MICU3: variants seen among roughly 807,000 people sequenced by gnomAD.
MICU3 encodes calcium uptake protein 3, mitochondrial.
In MICU3, 62 loss-of-function variants were observed where a neutral mutation model predicts 66.5. That is an observed-to-expected ratio of 0.93 (90% CI 0.76 to 1.15). The LOEUF is 1.15. Among genes scored for constraint, MICU3 ranks in the 50% most tolerant of loss-of-function variants. The pLI, the probability that MICU3 is intolerant of heterozygous loss-of-function variation, is 0.00. For synonymous variants in MICU3, 308 were observed against 240.7 expected (o/e 1.28, Z -2.59); for missense variants, 779 against 664.4 (o/e 1.17, Z -1.90).
chr8:17,046,568 C>G (rs1815124672), intron 1 of MICU3, among the ~76,000 whole-genome samples: 1 of 151,970 alleles, frequency 6.6e-6, no homozygotes. Flanking sequence ...AAAGAAGAAA[C>G]TAATAACTGC....
intron 8 of MICU3, among the ~76,000 whole-genome samples, chr8:17,094,018 G>T (rs1025932908): frequency 8.6e-5 from 13 of 152,026 alleles, no homozygotes; most frequent in Admixed American, 8.5e-4. Flanking sequence ...ATCCCTCAAT[G>T]TCCTTCAAAA....
intron 1 of MICU3, among the ~76,000 whole-genome samples, chr8:17,052,319 C>CCAT (rs1469704768): frequency 6.6e-6 from 1 of 151,988 alleles, no homozygotes; most frequent in Admixed American, 6.6e-5. Context: ...TTTAGGTTAT[C>CCAT]CATCCCCTTG....
intron 2 of MICU3, among the ~76,000 whole-genome samples, chr8:17,069,127 A>G (rs1290433968): frequency 1.3e-5 from 2 of 152,138 alleles, no homozygotes; most frequent in Non-Finnish European, 2.9e-5. Context: ...TGCTTCTTGA[A>G]TAGTTGTAGG....
At position 17,072,896 on chromosome 8, in the gene MICU3, A is replaced by AT. The variant is rs562975808; in HGVS notation, c.567+3185dup. Among the ~76,000 whole-genome samples, 331 of 151,918 alleles carry AT rather than the reference A, an allele frequency of 2.2e-3. 6 individuals carry two copies. Among genetic ancestry groups the AT allele is most frequent in the Non-Finnish European group, 2.9e-3 (199 of 67,898 alleles). ...TATAAACTGGTGTATTTACTTTTTAATTTTTTTTGAGATAGAGTCTCTCCC... is the reference window on the plus strand; with the variant it reads ...TATAAACTGGTGTATTTACTTTTTAATTTTTTTTTGAGATAGAGTCTCTCCC... On this transcript the variant is annotated intron_variant, in intron 3 of 14. Coordinates refer to ENST00000318063, the MANE Select transcript of MICU3 (RefSeq NM_181723.3).
chr8:17,109,829 C>T (rs1216920742), intron 11 of MICU3, among the ~76,000 whole-genome samples: 1 of 152,104 alleles, frequency 6.6e-6, no homozygotes, highest in African/African-American at 2.4e-5. Context: ...GGAAAGATGA[C>T]TTCTCATACT....
chr8:17,060,824 G>A (rs1817723780), intron 1 of MICU3, among the ~76,000 whole-genome samples: 2 of 150,024 alleles, frequency 1.3e-5, no homozygotes, highest in Admixed American at 6.6e-5. Context: ...TTTGCCTGGG[G>A]CACAAACCCT....
At chr8:17,054,126 C>T (rs1816531399) in intron 1 of MICU3, among the ~76,000 whole-genome samples, 1 of 152,112 alleles carries the variant, frequency 6.6e-6, no homozygotes, top group Non-Finnish European at 1.5e-5. Flanking sequence ...GCAATGATAC[C>T]TTACCTTGAA....
chr8:17,032,475 G>A (rs181608521), intron 1 of MICU3, among the ~76,000 whole-genome samples: 259 of 151,918 alleles, frequency 1.7e-3, no homozygotes, highest in African/African-American at 5.5e-3. Flanking sequence ...TGATTTGTTC[G>A]CCTTAAAAAG....
In MICU3 at chr8:17,098,515, C is replaced by A. The variant is rs202243126; in HGVS notation, c.946C>A (p.Arg316Ser). 1 of 1,611,548 alleles carries A rather than the reference C, an allele frequency of 6.2e-7. No individual in the cohort carries two copies. Among genetic ancestry groups the A allele is most frequent in the South Asian group, 1.1e-5 (1 of 91,014 alleles). Reference sequence around the variant, plus strand: ...CAGAAGCTATTGGGATACACTGAGACGTAACACAAGCCAAGCACTGTTTTC... The same window carrying A: ...CAGAAGCTATTGGGATACACTGAGAAGTAACACAAGCCAAGCACTGTTTTC... The part of the protein sequence containing the change: ...VSRSYWDTLR[R>S]NTSQALFSDL... Residue 316 changes from arginine (R) to serine (S), a missense_variant, in exon 9 of 15, where the codon CGT becomes AGT. By Grantham distance (110) the Arg-to-Ser change is moderately radical (BLOSUM62 -1). Transcript: ENST00000318063.
At chr8:17,131,308 C>T in the MICU3 span, 3 of 152,194 alleles carry the variant, frequency 2.0e-5, no homozygotes, top group Non-Finnish European at 2.9e-5. Context: ...AAAGGGCACA[C>T]CTTTGATTCA....
intron 1 of MICU3, among the ~76,000 whole-genome samples, chr8:17,055,949 C>T (rs914708610): frequency 6.6e-6 from 1 of 152,190 alleles, no homozygotes; most frequent in Non-Finnish European, 1.5e-5. Context: ...AGACATGTCT[C>T]TTAAGTCCTC....
intron 3 of MICU3, among the ~76,000 whole-genome samples, chr8:17,077,256 A>G (rs954220382): frequency 6.6e-6 from 1 of 152,188 alleles, no homozygotes; most frequent in Non-Finnish European, 1.5e-5. Context: ...ATCCATTGTT[A>G]TCATTCTCTA....
At chr8:17,112,126 C>T (rs1298814809) in intron 11 of MICU3, among the ~76,000 whole-genome samples, 1 of 152,142 alleles carries the variant, frequency 6.6e-6, no homozygotes, top group African/African-American at 2.4e-5. Flanking sequence ...AGGTCCCTCC[C>T]TCCCTGGACA....
chr8:17,068,253 T>A (rs1431456423), intron 2 of MICU3, among the ~76,000 whole-genome samples: 1 of 152,142 alleles, frequency 6.6e-6, no homozygotes, highest in East Asian at 1.9e-4. Flanking sequence ...GGCTCTTTAG[T>A]CTTTATTTAA....
At chr8:17,084,001 T>C (rs1172324716) in intron 5 of MICU3, among the ~76,000 whole-genome samples, 1 of 152,030 alleles carries the variant, frequency 6.6e-6, no homozygotes, top group South Asian at 2.1e-4. Context: ...GTTAGGATCT[T>C]TGGGTGCTGT....
At chr8:17,110,744 G>GC (rs1173485202) in intron 11 of MICU3, among the ~76,000 whole-genome samples, 2 of 150,336 alleles carry the variant, frequency 1.3e-5, no homozygotes, top group East Asian at 3.9e-4. Context: ...TTTGGGGAGG[G>GC]GGGGGTAGAG....
chr8:17,031,310 C>T (rs1240453745), intron 1 of MICU3, among the ~76,000 whole-genome samples: 1 of 107,034 alleles, frequency 9.3e-6, no homozygotes, highest in Non-Finnish European at 2.1e-5. Flanking sequence ...TATTTTGAGA[C>T]ATAGCATCGC....
chr8:17,040,854 G>C (rs548908025), intron 1 of MICU3, among the ~76,000 whole-genome samples: 1 of 152,130 alleles, frequency 6.6e-6, no homozygotes, highest in Non-Finnish European at 1.5e-5. Context: ...AGGGTTTTAG[G>C]GGTCAGGAAA....
rs746886073 is a variant in MICU3, at chr8:17,104,413, T to C, written c.1007T>C (p.Leu336Ser). The change falls in exon 10 of 15, where the codon TTA (leucine) becomes TCA (serine). Residue 336 changes from leucine (L) to serine (S), a missense_variant. By Grantham distance (145) the Leu-to-Ser change is moderately radical (BLOSUM62 -2). Transcript: ENST00000318063. ...AAGCGTGCTGATGACATCACAAGTT[T>C]AGTAACAGATACTACACTTCTTGTA... The part of the protein sequence containing the change: ...LAERADDITS[L>S]VTDTTLLVHF... The C allele has an allele frequency of 2.5e-5, 35 of 1,423,204 alleles. No homozygotes were observed. Among genetic ancestry groups the C allele is most frequent in the African/African-American group, 2.9e-5 (2 of 70,084 alleles). 88.2% of individuals were successfully genotyped at this position (1,423,204 alleles called of 1,614,324 possible). A position where few individuals can be genotyped will look rare whatever the true frequency, so the allele number is the denominator to read the frequency against.
Sources: gnomAD v4.1 joint callset for allele counts (sites outside exome capture counted in the v4.1 genomes callset) on GRCh38, gnomAD v4.1.1 for gene constraint, MANE v1.5 for transcripts, NCBI Gene and HGNC (gene_info 2026-07-23, HGNC 2026-07-21) for gene names.